RFX6: variants seen among roughly 807,000 people sequenced by gnomAD.
RFX6 encodes the protein regulatory factor X6, also known as DNA-binding protein RFX6.
RFX6 carries 50 observed loss-of-function variants against 110.8 expected under a neutral mutation model. The observed-to-expected ratio is 0.45, with a 90% CI of 0.36 to 0.57. RFX6 has a LOEUF of 0.57. RFX6 is among the 20% of genes least tolerant of loss of function. RFX6 has a pLI of 0.00. For missense variants in RFX6, 990 were observed against 1,127.0 expected (o/e 0.88, Z 1.74); for synonymous variants, 383 against 411.2 (o/e 0.93, Z 0.83).
chr6:116,924,656 A>T lies in RFX6; in HGVS notation c.1556-13A>T. The T allele has an allele frequency of 6.2e-7, 1 of 1,607,860 alleles. No individual in the cohort carries two copies. The highest frequency in any genetic ancestry group is 8.5e-7 in the Non-Finnish European group (1 of 1,174,614). Reference sequence around the variant, plus strand: ...TCACACTGTCCTCTCCTCATTCTCCATCCATAAACAAGGTTCTTTTCATTT... The same window carrying T: ...TCACACTGTCCTCTCCTCATTCTCCTTCCATAAACAAGGTTCTTTTCATTT... On this transcript the variant is annotated splice_polypyrimidine_tract_variant and intron_variant, in intron 14 of 18. Coordinates refer to ENST00000332958, the MANE Select transcript of RFX6 (RefSeq NM_173560.4).
Position 116,910,942 on chromosome 6 carries a change from T to C in RFX6, c.680T>C (p.Phe227Ser). Residue 227 changes from phenylalanine to serine, a missense_variant, in exon 7 of 19, where the codon TTC becomes TCC. This residue lies in a region of RFX6 where 243 missense variants were observed against 353.1 expected (regional missense o/e 0.69). Transcript: ENST00000332958. ...CATTTTTCTAAATTATAGGGTGGCT[T>C]CACTCGTAAATATTCGCTTAGCTCA... Reference protein sequence around the residue: ...SGSKLKNEGGFTRKYSLSSKT... With the variant: ...SGSKLKNEGGSTRKYSLSSKT... 1 of 1,611,924 alleles carries C rather than the reference T, an allele frequency of 6.2e-7. No homozygotes were observed. Among genetic ancestry groups the C allele is most frequent in the East Asian group, 2.2e-5 (1 of 44,816 alleles).
At chr6:116,902,820 A>G (rs1048900718) in intron 6 of RFX6, among the ~76,000 whole-genome samples, 1 of 152,084 alleles carries the variant, frequency 6.6e-6, no homozygotes, top group South Asian at 2.1e-4. Context: ...TGCTTTTCAA[A>G]TATTTGTAGA....
At chr6:116,909,346 G>T (rs1209534716) in intron 6 of RFX6, among the ~76,000 whole-genome samples, 2 of 151,968 alleles carry the variant, frequency 1.3e-5, no homozygotes, top group Non-Finnish European at 2.9e-5. Flanking sequence ...GTAAATTTTT[G>T]TTATGCTTAT....
In RFX6 at chr6:116,899,278, T is replaced by G. The variant is rs9374625; in HGVS notation, c.672+4071T>G. ...AATATTCCAATTCTTCCTAAATTAA[T>G]TCAGACATTTTATATTATAATGAAA... is the stretch of plus-strand genomic sequence containing the variant. On this transcript the variant is annotated intron_variant, in intron 6 of 18. Coordinates refer to ENST00000332958, the MANE Select transcript of RFX6 (RefSeq NM_173560.4). Among the ~76,000 whole-genome samples the G allele has an allele frequency of 3.3e-5, 5 of 152,306 alleles. No homozygotes were observed. In the East Asian group the frequency reaches 9.6e-4, roughly 29 times the overall value.
chr6:116,920,360 T>G lies in RFX6; in HGVS notation c.1233T>G (p.Ser411=), dbSNP rs1351448915. The G allele has an allele frequency of 2.5e-6, 4 of 1,611,964 alleles. No individual in the cohort carries two copies. The African/African-American group carries it at 5.3e-5, about 22-fold the overall frequency. The change falls in exon 12 of 19, where the codon TCT becomes TCG. Residue 411 remains serine, a synonymous_variant. Coordinates refer to ENST00000332958, the MANE Select transcript of RFX6 (RefSeq NM_173560.4). ...FDQHVVNSMV[S]DIERVDLNSI... ...AGCATGTCGTTAATTCTATGGTGTC[T>G]GATATTGAAAGGGTTGATTTGAACA... is the stretch of plus-strand genomic sequence containing the variant.
chr6:116,877,628 T>C (rs959193455), intron 1 of RFX6, 130 bp downstream of exon 1: 1 of 1,058,950 alleles, frequency 9.4e-7, no homozygotes. Flanking sequence ...ATCTTTGTAT[T>C]TCCTCAGTAA....
intron 3 of RFX6, among the ~76,000 whole-genome samples, chr6:116,881,560 C>A (rs1774590615): frequency 6.6e-6 from 1 of 152,030 alleles, no homozygotes; most frequent in Admixed American, 6.6e-5. Context: ...CTAGCCTAGA[C>A]TGGACTAATT....
In RFX6 at chr6:116,925,602, C is replaced by T. The variant is rs1279387046; in HGVS notation, c.1828C>T (p.Leu610=). 1 of 1,613,896 alleles carries T rather than the reference C, an allele frequency of 6.2e-7. No homozygotes were observed. Among genetic ancestry groups the T allele is most frequent in the Non-Finnish European group, 8.5e-7 (1 of 1,179,890 alleles). Residue 610 remains leucine, a synonymous_variant, in exon 16 of 19, where the codon CTA becomes TTA. Coordinates refer to ENST00000332958, the MANE Select transcript of RFX6 (RefSeq NM_173560.4). ...TCTGCCATCCAGTCAACCTGGAGGC[C>T]TAGGCCCTGCTCTGCACCAGTTCCC... ...LPLPSSQPGG[L]GPALHQFPAG... is the part of the protein sequence containing the mutation.
chr6:116,892,650 CCAT>C (rs1466939413), intron 4 of RFX6, among the ~76,000 whole-genome samples: 24 of 152,162 alleles, frequency 1.6e-4, no homozygotes, highest in Admixed American at 1.4e-3. Context: ...TTCCCCACCA[CCAT>C]GTTCCCATAT....
chr6:116,916,428 T>G, intron 9 of RFX6, 114 bp downstream of exon 9: 2 of 731,040 alleles, frequency 2.7e-6, no homozygotes, highest in African/African-American at 1.8e-5. Flanking sequence ...GGATATACAC[T>G]GTCTTTTTTT....
Position 116,911,012 on chromosome 6 carries a change from T to C in RFX6, c.750T>C (p.Leu250=). ...LLPEFPSAQH[L]VYQGCISKDK... ...CAGAATTCCCCAGCGCTCAACACCT[T>C]GTATACCAAGGATGCATTTCTAAGG... The change falls in exon 7 of 19, where the codon CTT becomes CTC. Residue 250 remains leucine (L), a synonymous_variant. Coordinates refer to ENST00000332958, the MANE Select transcript of RFX6 (RefSeq NM_173560.4). The C allele has an allele frequency of 6.2e-7, 1 of 1,612,582 alleles. No individual in the cohort carries two copies. Among genetic ancestry groups the C allele is most frequent in the Non-Finnish European group, 8.5e-7 (1 of 1,178,658 alleles).
chr6:116,897,926 A>ATTC (rs1774985247), intron 6 of RFX6, among the ~76,000 whole-genome samples: 1 of 152,158 alleles, frequency 6.6e-6, no homozygotes, highest in Non-Finnish European at 1.5e-5. Context: ...TTTGATGGTG[A>ATTC]TTGAAGCCAT....
chr6:116,902,976 G>T (rs1192380455), intron 6 of RFX6, among the ~76,000 whole-genome samples: 1 of 151,774 alleles, frequency 6.6e-6, no homozygotes. Flanking sequence ...TTAGAAATAC[G>T]ATTCTTAATA....
chr6:116,894,646 A>G (rs746531438), intron 5 of RFX6, among the ~76,000 whole-genome samples: 46 of 130,348 alleles, frequency 3.5e-4, no homozygotes, highest in Non-Finnish European at 6.9e-4. Flanking sequence ...GGTTACATCT[A>G]ATGAAACCAG....
Position 116,920,340 on chromosome 6 carries a change from G to A in RFX6, c.1213G>A (p.Val405Ile), listed in dbSNP as rs780142907. The A allele has an allele frequency of 1.4e-5, 22 of 1,612,150 alleles. No homozygotes were observed. Among genetic ancestry groups the A allele is most frequent in the Non-Finnish European group, 1.9e-5 (22 of 1,178,352 alleles). ...IARPALFDQHVVNSMVSDIER... is the reference protein window; with the variant it reads ...IARPALFDQHIVNSMVSDIER... ...CAGACCAGCTCTCTTTGACCAGCAT[G>A]TCGTTAATTCTATGGTGTCTGATAT... Residue 405 changes from valine to isoleucine, a missense_variant, in exon 12 of 19, where the codon GTC becomes ATC. By Grantham distance (29) the Val-to-Ile change is conservative. This residue lies in a region of RFX6 where 243 missense variants were observed against 353.1 expected (regional missense o/e 0.69). Transcript: ENST00000332958.
intron 7 of RFX6, among the ~76,000 whole-genome samples, chr6:116,911,792 G>A (rs923639030): frequency 6.6e-6 from 1 of 152,108 alleles, no homozygotes; most frequent in Non-Finnish European, 1.5e-5. Flanking sequence ...AGTATATTGA[G>A]TTAGTTCGTA....
Position 116,927,248 on chromosome 6 carries a change from T to A in RFX6, c.2107T>A (p.Tyr703Asn). ...TGACTTTTATAGCACCAGCTCTAAC[T>A]ACCAGACTGTGTTTAGGGCACAGCC... ...NHDFYSTSSN[Y>N]QTVFRAQPHS... The change falls in exon 17 of 19, where the codon TAC becomes AAC. Residue 703 changes from tyrosine to asparagine, a missense_variant. Coordinates refer to ENST00000332958, the MANE Select transcript of RFX6 (RefSeq NM_173560.4). 2 of 1,614,206 alleles carry A rather than the reference T, an allele frequency of 1.2e-6. No homozygotes were observed. The highest frequency in any genetic ancestry group is 1.7e-6 in the Non-Finnish European group (2 of 1,180,030).
Position 116,925,508 on chromosome 6 carries a change from T to TA in RFX6, c.1736dup (p.Asn579LysfsTer2). ...CGAGTTCATGCTTTCTGGCCAACCG[T>TA]AATAAAGGGAGCATGGTTTCCAGCG... On this transcript the variant is annotated frameshift_variant, in exon 16 of 19. Transcript: ENST00000332958. The TA allele has an allele frequency of 6.2e-7, 1 of 1,614,154 alleles. No individual in the cohort carries two copies. Among genetic ancestry groups the TA allele is most frequent in the Non-Finnish European group, 8.5e-7 (1 of 1,179,992 alleles).
At chr6:116,917,335 CTTGT>C (rs1356436967) in intron 9 of RFX6, among the ~76,000 whole-genome samples, 17 of 120,280 alleles carry the variant, frequency 1.4e-4, no homozygotes, top group African/African-American at 7.1e-5. Context: ...TAAGGATTGT[CTTGT>C]TTTTTTTTTT....
Sources: allele counts gnomAD v4.1 joint callset (sites outside exome capture counted in the v4.1 genomes callset), GRCh38; gene constraint gnomAD v4.1.1; regional missense constraint gnomAD v4.1.1; transcripts MANE v1.5; gene names NCBI Gene and HGNC (gene_info 2026-07-23, HGNC 2026-07-21).